The following VPS13D variants were observed in gnomAD, a reference collection of about 807,000 sequenced individuals.
The protein encoded by VPS13D is vacuolar protein sorting 13 homolog D, also known as intermembrane lipid transfer protein VPS13D.
Under a neutral mutation model 461.9 loss-of-function variants are expected in VPS13D, and 187 were observed. That is an observed-to-expected ratio of 0.40 (90% CI 0.36 to 0.46). The LOEUF (loss-of-function observed/expected upper bound fraction) is 0.46, where lower values mean the gene tolerates loss of function less well. Ranked by LOEUF, VPS13D falls within the 20% of genes least tolerant of loss-of-function variation. The pLI is 0.60. For missense variants in VPS13D, 4,711 were observed against 5,364.9 expected (o/e 0.88, Z 3.81); for synonymous variants, 1,951 against 1,986.3 (o/e 0.98, Z 0.47).
intron 32 of VPS13D, among the ~76,000 whole-genome samples, 177 bp downstream of exon 32, chr1:12,319,807 G>T (rs1642986869): frequency 6.6e-6 from 1 of 152,182 alleles, no homozygotes; most frequent in African/African-American, 2.4e-5. Flanking sequence ...CTAATGCATG[G>T]ATTCAGTCTC....
rs962794915 is a variant in VPS13D at position 12,373,736 on chromosome 1, T to A, written c.10809-14T>A. ...ATATATTTTTATGTAATATATATAT[T>A]TTTTAAATTCTAGCTTGCAGGAGGG... On this transcript the variant is annotated splice_polypyrimidine_tract_variant and intron_variant, in intron 54 of 69. Transcript: ENST00000620676. 8.4e-6 allele frequency: 12 copies of A among 1,422,780 alleles called. No individual in the cohort carries two copies. The highest frequency in any genetic ancestry group is 5.2e-5 in the South Asian group (3 of 57,228). The allele number at this position is 1,422,780 out of a possible 1,614,324, so 88.1% of individuals were successfully genotyped here.
In VPS13D at chr1:12,342,870, C is replaced by G. The variant is rs756193814; in HGVS notation, c.8733-29C>G. 17 of 1,591,602 alleles carry G rather than the reference C, an allele frequency of 1.1e-5. No homozygotes were observed. In the Admixed American group the frequency reaches 1.7e-4, roughly 16 times the overall value. On this transcript the variant is annotated intron_variant, in intron 41 of 69. Coordinates refer to ENST00000620676, the MANE Select transcript of VPS13D (RefSeq NM_015378.4). Reference sequence around the variant, plus strand: ...AGAGGGAGCTGGGAAGAAACAGGGACAGGCTGATGTCATCTGATTTGGTTC... The same window carrying G: ...AGAGGGAGCTGGGAAGAAACAGGGAGAGGCTGATGTCATCTGATTTGGTTC...
chr1:12,363,679 G>C (rs952400116), intron 52 of VPS13D, among the ~76,000 whole-genome samples: 3 of 152,108 alleles, frequency 2.0e-5, no homozygotes, highest in Non-Finnish European at 2.9e-5. Flanking sequence ...ACCAGGCCGG[G>C]CGCAGTGGCT....
chr1:12,486,703 C>G (rs1570268090), intron 67 of VPS13D, among the ~76,000 whole-genome samples: 1 of 152,264 alleles, frequency 6.6e-6, no homozygotes, highest in African/African-American at 2.4e-5. Flanking sequence ...GAGTTGTTAC[C>G]AACGCCCTGC....
At chr1:12,427,279 TTAC>T (rs1644935752) in intron 65 of VPS13D, among the ~76,000 whole-genome samples, 1 of 147,886 alleles carries the variant, frequency 6.8e-6, no homozygotes, top group Non-Finnish European at 1.5e-5. Context: ...ATTATTATTA[TTAC>T]TCCTGTTACC....
At chr1:12,379,771 A>AT (rs368778602) in intron 57 of VPS13D, among the ~76,000 whole-genome samples, 175 bp downstream of exon 57, 2,140 of 142,606 alleles carry the variant, frequency 0.015, 17 homozygotes, top group African/African-American at 0.026. Context: ...GCATTTGTGT[A>AT]TTTTTTTTTT....
At chr1:12,332,767 A>G (rs1229021686) in intron 37 of VPS13D, among the ~76,000 whole-genome samples, 1 of 152,202 alleles carries the variant, frequency 6.6e-6, no homozygotes, top group Non-Finnish European at 1.5e-5. Flanking sequence ...TTTTGTGCAT[A>G]TTTTAAGAAA....
At chr1:12,418,679 A>T (rs1644825624) in intron 65 of VPS13D, among the ~76,000 whole-genome samples, 1 of 152,260 alleles carries the variant, frequency 6.6e-6, no homozygotes, top group Non-Finnish European at 1.5e-5. Flanking sequence ...ATTTTGAAAA[A>T]TACAGAGTGA....
chr1:12,386,408 G>T, intron 60 of VPS13D, 74 bp downstream of exon 60: 1 of 1,460,082 alleles, frequency 6.8e-7, no homozygotes. Context: ...AATGTTTGAT[G>T]TTCTAAGAAC....
chr1:12,497,431 A>G, intron 67 of VPS13D, 69 bp from the exon 68 acceptor site: 1 of 1,539,474 alleles, frequency 6.5e-7, no homozygotes, highest in Non-Finnish European at 8.8e-7. Flanking sequence ...CTTTTGTCTT[A>G]GTGAGAAAGG....
intron 61 of VPS13D, 27 bp downstream of exon 61, chr1:12,400,357 T>C (rs749432001): frequency 1.2e-6 from 2 of 1,612,116 alleles, no homozygotes; most frequent in Non-Finnish European, 1.7e-6. Context: ...GGCTGGTGGG[T>C]TGATGCCATG....
intron 5 of VPS13D, among the ~76,000 whole-genome samples, chr1:12,244,994 T>C (rs1010519416): frequency 2.6e-5 from 4 of 152,220 alleles, no homozygotes; most frequent in Non-Finnish European, 4.4e-5. Context: ...TTCACCTCTC[T>C]GGTCTCAGTT....
At chr1:12,318,546 C>G (rs1013533653) in intron 31 of VPS13D, among the ~76,000 whole-genome samples, 2 of 152,142 alleles carry the variant, frequency 1.3e-5, no homozygotes, top group Non-Finnish European at 2.9e-5. Flanking sequence ...GGTCGCTTGT[C>G]CCTGTCCCCT....
intron 17 of VPS13D, 35 bp from the exon 18 acceptor site, chr1:12,272,968 G>A (rs1047552087): frequency 4.4e-6 from 7 of 1,604,018 alleles, no homozygotes; most frequent in South Asian, 2.2e-5. Flanking sequence ...GTTGGGTTTC[G>A]GCAGTTATGG....
intron 47 of VPS13D, among the ~76,000 whole-genome samples, chr1:12,355,581 A>G (rs999244071): frequency 6.6e-6 from 1 of 151,474 alleles, no homozygotes; most frequent in South Asian, 2.1e-4. Flanking sequence ...TAAAAATTTA[A>G]TTTTTTTTTG....
chr1:12,509,205 G>T lies in VPS13D; in HGVS notation c.*181G>T. ...AATGGAAATCGTATTAATTTGTGAG[G>T]CAGGGAGTTATTTTAGATTATGGGA... On this transcript the variant is annotated 3_prime_UTR_variant, in exon 70 of 70. Coordinates refer to ENST00000620676, the MANE Select transcript of VPS13D (RefSeq NM_015378.4). 1.4e-6 allele frequency: 1 copy of T among 701,920 alleles called. No individual in the cohort carries two copies. Among genetic ancestry groups the T allele is most frequent in the South Asian group, 2.8e-5 (1 of 35,940 alleles). The allele number at this position is 701,920 out of a possible 1,614,324, so 43.5% of individuals were successfully genotyped here.
At chr1:12,479,998 C>T (rs1160832084) in intron 67 of VPS13D, among the ~76,000 whole-genome samples, 1 of 152,154 alleles carries the variant, frequency 6.6e-6, no homozygotes, top group Non-Finnish European at 1.5e-5. Context: ...CCTCTTTGGG[C>T]CAAACAGCAG....
At chr1:12,355,510 A>G (rs557536405) in intron 47 of VPS13D, among the ~76,000 whole-genome samples, 1 of 152,328 alleles carries the variant, frequency 6.6e-6, no homozygotes, top group South Asian at 2.1e-4. Context: ...CACAATGTGT[A>G]TATGTATTGA....
At chr1:12,345,940 T>C (rs1183908829) in intron 43 of VPS13D, among the ~76,000 whole-genome samples, 4 of 152,238 alleles carry the variant, frequency 2.6e-5, no homozygotes, top group Non-Finnish European at 5.9e-5. Context: ...CACTGTCGTT[T>C]ATTTTCTGAT....
Sources: allele counts gnomAD v4.1 joint callset (sites outside exome capture counted in the v4.1 genomes callset), GRCh38; gene constraint gnomAD v4.1.1; transcripts MANE v1.5; gene names NCBI Gene and HGNC (gene_info 2026-07-23, HGNC 2026-07-21).